Variants in SAC3D1 observed in about 807,000 individuals in gnomAD.
SAC3D1 encodes the protein SAC3 domain-containing protein 1.
SAC3D1 carries 10 observed loss-of-function variants against 12.7 expected under a neutral mutation model. The ratio of observed to expected loss-of-function variants is 0.79; its 90% CI spans 0.49 to 1.34. The LOEUF is 1.34. SAC3D1 is among the 40% of genes most tolerant of loss of function. The pLI, the probability that SAC3D1 is intolerant of heterozygous loss-of-function variation, is 0.00. For synonymous variants in SAC3D1, 241 were observed against 250.8 expected, an observed-to-expected ratio of 0.96 and a Z score of 0.37; for missense variants, 482 against 531.1, an observed-to-expected ratio of 0.91 and a Z score of 0.91.
At chr11:65,042,055 A>G in intron 1 of SAC3D1, 189 bp downstream of exon 1, 1 of 736,426 alleles carries the variant, frequency 1.4e-6, no homozygotes, top group Non-Finnish European at 1.9e-6. Flanking sequence ...CAGGAATAAA[A>G]GTGGAGGGGG....
intron 1 of SAC3D1, among the ~76,000 whole-genome samples, chr11:65,042,109 C>CT (rs5792346): frequency 3.7e-4 from 55 of 149,296 alleles, no homozygotes; most frequent in South Asian, 4.2e-4. Flanking sequence ...GATTTTCAAA[C>CT]TTTTTTTTTT....
At chr11:65,043,187 G>A in intron 1 of SAC3D1, 7 of 320,586 alleles carry the variant, frequency 2.2e-5, no homozygotes, top group South Asian at 1.6e-4. Context: ...GGTCTAGTGG[G>A]GGAAGAAATC....
rs1565207021 is a variant in SAC3D1 at position 65,041,362 on chromosome 11, G to GA, written c.73dup (p.Arg25LysfsTer61). On this transcript the variant is annotated frameshift_variant, in exon 1 of 2. Transcript: ENST00000652489. LOFTEE classifies it high-confidence loss of function. Reference sequence around the variant, plus strand: ...CCCGGCCGCCGAGCGCGCCCAGCGCGAAAGGGAGCACCGCCTGCACCGCTT... The same window carrying GA: ...CCCGGCCGCCGAGCGCGCCCAGCGCGAAAAGGGAGCACCGCCTGCACCGCTT... 4.0e-6 allele frequency: 6 copies of GA among 1,510,174 alleles called. No individual in the cohort carries two copies. Among genetic ancestry groups the GA allele is most frequent in the Non-Finnish European group, 5.3e-6 (6 of 1,136,540 alleles). 93.5% of individuals were successfully genotyped at this position (1,510,174 alleles called of 1,614,324 possible).
intron 1 of SAC3D1, 173 bp downstream of exon 1, chr11:65,042,039 T>G (rs980541586): frequency 1.2e-6 from 1 of 855,280 alleles, no homozygotes; most frequent in Non-Finnish European, 1.6e-6. Context: ...TGGGTCTTAG[T>G]TGTCTCAGGA....
chr11:65,041,918 T>C, intron 1 of SAC3D1, 52 bp downstream of exon 1: 1 of 1,339,352 alleles, frequency 7.5e-7, no homozygotes, highest in Non-Finnish European at 9.6e-7. Context: ...GAGCCCACCA[T>C]GACAGTGGAG....
chr11:65,042,453 C>T (rs1181012804), intron 1 of SAC3D1, among the ~76,000 whole-genome samples: 1 of 152,090 alleles, frequency 6.6e-6, no homozygotes, highest in Non-Finnish European at 1.5e-5. Flanking sequence ...AACAAGAACA[C>T]ATATGCCCAC....
rs751215832 is a variant in SAC3D1, at chr11:65,041,796, C to CT, written c.505dup (p.Tyr169LeufsTer22). 3.4e-6 allele frequency: 5 copies of CT among 1,456,704 alleles called. No homozygotes were observed. The South Asian group carries it at 6.6e-5, about 19-fold the overall frequency. 90.2% of individuals were successfully genotyped at this position (1,456,704 alleles called of 1,614,324 possible). On this transcript the variant is annotated frameshift_variant, in exon 1 of 2. Coordinates refer to ENST00000652489, the MANE Select transcript of SAC3D1 (RefSeq NM_013299.4). LOFTEE classifies it high-confidence loss of function. ...AGGGCTTCGGCTCGCTGCGGCGCTG[C>CT]TACGCGCGGGGCGCCGGGCCGCACC...
At position 65,041,350 on chromosome 11, in the gene SAC3D1, C is replaced by G; in HGVS notation, c.58C>G (p.Arg20Gly). ...TCPDMCPAAERAQREREHRLH... is the reference protein window; with the variant it reads ...TCPDMCPAAEGAQREREHRLH... ...CCCGGACATGTGCCCGGCCGCCGAGCGCGCCCAGCGCGAAAGGGAGCACCG... is the reference window on the plus strand; with the variant it reads ...CCCGGACATGTGCCCGGCCGCCGAGGGCGCCCAGCGCGAAAGGGAGCACCG... Residue 20 changes from arginine (R) to glycine (G), a missense_variant, in exon 1 of 2, where the codon CGC becomes GGC. Arg to Gly is a moderately radical substitution (Grantham distance 125). This residue lies in a region of SAC3D1 where 197 missense variants were observed against 183.2 expected (regional missense o/e 1.08). Coordinates refer to ENST00000652489, the MANE Select transcript of SAC3D1 (RefSeq NM_013299.4). 1 of 1,509,280 alleles carries G rather than the reference C, an allele frequency of 6.6e-7. No homozygotes were observed. Among genetic ancestry groups the G allele is most frequent in the Non-Finnish European group, 8.8e-7 (1 of 1,136,106 alleles). The allele number at this position is 1,509,280 out of a possible 1,614,324, so 93.5% of individuals were successfully genotyped here. A position where few individuals can be genotyped will look rare whatever the true frequency, so the allele number is the denominator to read the frequency against.
Position 65,044,673 on chromosome 11 carries a change from G to T in SAC3D1, c.1023G>T (p.Val341=). The change falls in exon 2 of 2, where the codon GTG becomes GTT. Residue 341 remains valine, a synonymous_variant. Transcript: ENST00000652489. The surrounding 1 kb of genome is among the most constrained non-coding windows in gnomAD (Gnocchi z 4.0). ...SKLRGRTLEE[V]VMAEEEDEGT... Reference sequence around the variant, plus strand: ...TTCGAGGACGTACCCTGGAGGAGGTGGTCATGGCAGAGGAGGAAGATGAGG... The same window carrying T: ...TTCGAGGACGTACCCTGGAGGAGGTTGTCATGGCAGAGGAGGAAGATGAGG... 6.2e-7 allele frequency: 1 copy of T among 1,613,672 alleles called. No individual in the cohort carries two copies. The highest frequency in any genetic ancestry group is 8.5e-7 in the Non-Finnish European group (1 of 1,180,008).
rs1380315382 is a variant in SAC3D1, at chr11:65,044,657, G to A, written c.1007G>A (p.Arg336His). 3.7e-6 allele frequency: 6 copies of A among 1,613,708 alleles called. No individual in the cohort carries two copies. Among genetic ancestry groups the A allele is most frequent in the South Asian group, 2.2e-5 (2 of 91,080 alleles). The change falls in exon 2 of 2, where the codon CGT becomes CAT. Residue 336 changes from arginine to histidine, a missense_variant. Around this residue, in one of 3 missense-constraint regions of SAC3D1, gnomAD observed 225 missense variants for 241.1 expected, o/e 0.93. Coordinates refer to ENST00000652489, the MANE Select transcript of SAC3D1 (RefSeq NM_013299.4). This position sits in a 1 kb window ranked among gnomAD's most constrained non-coding sequence, Gnocchi z 4.0. ...KVLVESKLRG[R>H]TLEEVVMAEE... Reference sequence around the variant, plus strand: ...TTAGTGGAGAGCAAACTTCGAGGACGTACCCTGGAGGAGGTGGTCATGGCA... The same window carrying A: ...TTAGTGGAGAGCAAACTTCGAGGACATACCCTGGAGGAGGTGGTCATGGCA...
At chr11:65,041,062 G>A (rs942346036), upstream of SAC3D1, 3 of 582,764 alleles carry the variant, frequency 5.1e-6, no homozygotes, top group Non-Finnish European at 3.0e-6. Flanking sequence ...GGCGTAGCTG[G>A]ACTACAACGC....
At position 65,041,226 on chromosome 11, in the gene SAC3D1, G is replaced by C. The variant is rs1006901497; in HGVS notation, c.-67G>C. 7.0e-7 allele frequency: 1 copy of C among 1,421,026 alleles called. No homozygotes were observed. Among genetic ancestry groups the C allele is most frequent in the African/African-American group, 1.5e-5 (1 of 66,050 alleles). The allele number at this position is 1,421,026 out of a possible 1,614,324, so 88.0% of individuals were successfully genotyped here. On this transcript the variant is annotated 5_prime_UTR_variant, in exon 1 of 2. Transcript: ENST00000652489. The stretch of plus-strand genomic sequence containing the variant: ...CGCTCCCCACCCCCCGGCCGGCCTC[G>C]CGTGCCTTCCCGCAGCACTGCCGTC...
In SAC3D1 at chr11:65,041,573, G is replaced by A. The variant is rs974486034; in HGVS notation, c.281G>A (p.Arg94His). The change falls in exon 1 of 2, where the codon CGC becomes CAC. Residue 94 changes from arginine (R) to histidine (H), a missense_variant. By Grantham distance (29) the Arg-to-His change is conservative (BLOSUM62 0). Around this residue, in one of 3 missense-constraint regions of SAC3D1, gnomAD observed 197 missense variants for 183.2 expected, o/e 1.08. Transcript: ENST00000652489. ...GTGGCGGAGAGCGCCGACATCGCCC[G>A]CGCCGAGGTGGCCAGCTTCGTGGCA... ...GEVAESADIA[R>H]AEVASFVADR... 4.7e-6 allele frequency: 7 copies of A among 1,477,932 alleles called. No homozygotes were observed. The highest frequency in any genetic ancestry group is 6.2e-6 in the Non-Finnish European group (7 of 1,120,112). The allele number at this position is 1,477,932 out of a possible 1,614,324, so 91.6% of individuals were successfully genotyped here.
In SAC3D1 at chr11:65,041,248, CG is replaced by C; in HGVS notation, c.-44del. 6.8e-7 allele frequency: 1 copy of C among 1,478,262 alleles called. No individual in the cohort carries two copies. Among genetic ancestry groups the C allele is most frequent in the Non-Finnish European group, 8.9e-7 (1 of 1,121,008 alleles). 91.6% of individuals were successfully genotyped at this position (1,478,262 alleles called of 1,614,324 possible). A position where few individuals can be genotyped will look rare whatever the true frequency, so the allele number is the denominator to read the frequency against. ...CTCGCGTGCCTTCCCGCAGCACTGC[CG>C]TCCCCGGGATGCTGAGCGCCCACCG... On this transcript the variant is annotated 5_prime_UTR_variant, in exon 1 of 2. Transcript: ENST00000652489.
intron 1 of SAC3D1, among the ~76,000 whole-genome samples, chr11:65,042,098 T>C (rs1946617364): frequency 6.9e-6 from 1 of 145,594 alleles, no homozygotes; most frequent in Non-Finnish European, 1.5e-5. Flanking sequence ...GTCTAAATAG[T>C]GATTTTCAAA....
rs1946664940 is a variant in SAC3D1, at chr11:65,044,139, GA to G, written c.575-85del. On this transcript the variant is annotated intron_variant, in intron 1 of 1. Coordinates refer to ENST00000652489, the MANE Select transcript of SAC3D1 (RefSeq NM_013299.4). This position sits in a 1 kb window ranked among gnomAD's most constrained non-coding sequence, Gnocchi z 4.0. The stretch of plus-strand genomic sequence containing the variant: ...CCTAGAGAAGGGGCGTGGTCGAGGA[GA>G]GAGGAAGGACAGGGTGTTGGGAGGG... 14 of 1,488,968 alleles carry G rather than the reference GA, an allele frequency of 9.4e-6. No homozygotes were observed. In the South Asian group the frequency reaches 1.6e-4, roughly 17 times the overall value. The allele number at this position is 1,488,968 out of a possible 1,614,324, so 92.2% of individuals were successfully genotyped here.
chr11:65,041,052 G>C, upstream of SAC3D1: 1 of 572,912 alleles, frequency 1.7e-6, no homozygotes, highest in Non-Finnish European at 3.0e-6. Flanking sequence ...GAGCCGCAGA[G>C]GCGTAGCTGG....
rs1359561789 is a variant in SAC3D1 at position 65,041,593 on chromosome 11, G to T, written c.301G>T (p.Val101Leu). The change falls in exon 1 of 2, where the codon GTG becomes TTG. Residue 101 changes from valine (V) to leucine (L), a missense_variant. This residue lies in a region of SAC3D1 where 197 missense variants were observed against 183.2 expected (regional missense o/e 1.08). Transcript: ENST00000652489. ...DIARAEVASF[V>L]ADRLRAVLLD... ...CGCCCGCGCCGAGGTGGCCAGCTTC[G>T]TGGCAGACCGCTTGCGAGCTGTGCT... 1 of 1,473,502 alleles carries T rather than the reference G, an allele frequency of 6.8e-7. No individual in the cohort carries two copies. The highest frequency in any genetic ancestry group is 2.3e-5 in the Admixed American group (1 of 42,768). 91.3% of individuals were successfully genotyped at this position (1,473,502 alleles called of 1,614,324 possible).
Position 65,041,430 on chromosome 11 carries a change from T to G in SAC3D1, c.138T>G (p.Asp46Glu). 4.7e-6 allele frequency: 7 copies of G among 1,503,202 alleles called. No homozygotes were observed. The highest frequency in any genetic ancestry group is 6.2e-6 in the Non-Finnish European group (7 of 1,133,032). 93.1% of individuals were successfully genotyped at this position (1,503,202 alleles called of 1,614,324 possible). A position where few individuals can be genotyped will look rare whatever the true frequency, so the allele number is the denominator to read the frequency against. Reference protein sequence around the residue: ...PGCRQDPPRADPQRAVKEYSR... With the variant: ...PGCRQDPPRAEPQRAVKEYSR... ...GCCGCCAGGACCCGCCCCGCGCGGATCCGCAGCGCGCGGTGAAGGAGTACA... is the reference window on the plus strand; with the variant it reads ...GCCGCCAGGACCCGCCCCGCGCGGAGCCGCAGCGCGCGGTGAAGGAGTACA... Residue 46 changes from aspartate to glutamate, a missense_variant, in exon 1 of 2, where the codon GAT becomes GAG. By Grantham distance (45) the Asp-to-Glu change is conservative. Transcript: ENST00000652489.
Sources: gnomAD v4.1 joint callset for allele counts (sites outside exome capture counted in the v4.1 genomes callset) on GRCh38, gnomAD v4.1.1 for gene constraint, gnomAD v4.1.1 regional missense constraint, Gnocchi (gnomAD v3.1) non-coding constraint, MANE v1.5 for transcripts, NCBI Gene and HGNC (gene_info 2026-07-23, HGNC 2026-07-21) for gene names.